The following CDH18 variants were observed in gnomAD, a reference collection of about 807,000 sequenced individuals.
CDH18 encodes the protein cadherin 18, also known as cadherin-18.
CDH18 carries 31 observed loss-of-function variants against 67.9 expected under a neutral mutation model. That is an observed-to-expected ratio of 0.46 (90% CI 0.34 to 0.62). CDH18 has a LOEUF of 0.62. Among genes scored for constraint, CDH18 ranks in the 20% least tolerant of loss-of-function variants. The probability of loss-of-function intolerance (pLI) is 0.01; values close to 1 mark genes in which losing one functional copy is unlikely to be tolerated. For synonymous variants in CDH18, 362 were observed against 347.2 expected (o/e 1.04, Z -0.48); for missense variants, 890 against 975.5 (o/e 0.91, Z 1.17).
At chr5:20,548,142 AACT>A (rs1757441706) in intron 1 of CDH18, among the ~76,000 whole-genome samples, 1 of 150,882 alleles carries the variant, frequency 6.6e-6, no homozygotes, top group Non-Finnish European at 1.5e-5. Context: ...TTACTATATT[AACT>A]ACTATTTCTG....
intron 1 of CDH18, among the ~76,000 whole-genome samples, chr5:20,256,251 G>T (rs189486894): frequency 6.6e-6 from 1 of 151,926 alleles, no homozygotes; most frequent in African/African-American, 2.4e-5. Context: ...AAAACTAAGA[G>T]GTAAAAATGT....
intron 8 of CDH18, 124 bp downstream of exon 8, chr5:19,571,455 T>G: frequency 1.2e-6 from 1 of 869,208 alleles, no homozygotes; most frequent in South Asian, 2.3e-5. Context: ...AATATTATAA[T>G]TTAATTATAT....
At chr5:20,385,568 C>T (rs557417579) in intron 1 of CDH18, among the ~76,000 whole-genome samples, 4 of 152,292 alleles carry the variant, frequency 2.6e-5, no homozygotes, top group South Asian at 4.1e-4. Context: ...CTTCTTGATA[C>T]AGATGGGAAA....
chr5:19,923,520 G>A (rs1349049557), intron 2 of CDH18, among the ~76,000 whole-genome samples: 1 of 151,946 alleles, frequency 6.6e-6, no homozygotes, highest in African/African-American at 2.4e-5. Flanking sequence ...TCCATTCTTA[G>A]TGCACCTCCA....
chr5:19,779,907 G>A (rs936960313), intron 3 of CDH18, among the ~76,000 whole-genome samples: 2 of 152,034 alleles, frequency 1.3e-5, no homozygotes, highest in Non-Finnish European at 2.9e-5. Context: ...AGACTAACAA[G>A]TTTAGTCCAT....
intron 1 of CDH18, among the ~76,000 whole-genome samples, chr5:20,557,564 A>G (rs1417964606): frequency 6.6e-6 from 1 of 152,054 alleles, no homozygotes; most frequent in African/African-American, 2.4e-5. Flanking sequence ...TACATCCCTT[A>G]TCCCTCACTG....
chr5:19,823,484 C>T lies in CDH18; in HGVS notation c.228+15275G>A, dbSNP rs563847480. On this transcript the variant is annotated intron_variant, in intron 3 of 12. Transcript: ENST00000382275. ...CTGCCATGACTTCAGCTGGTCCCTC[C>T]GTTCGGGGTCCCTAACTTCCCACAA... Among the ~76,000 whole-genome samples, 12 of 152,306 alleles carry T rather than the reference C, an allele frequency of 7.9e-5. No homozygotes were observed. The South Asian group carries it at 8.3e-4, about 11-fold the overall frequency.
chr5:19,593,181 C>G (rs1179201509), intron 6 of CDH18, among the ~76,000 whole-genome samples: 1 of 152,012 alleles, frequency 6.6e-6, no homozygotes, highest in Non-Finnish European at 1.5e-5. Context: ...AATAAATACT[C>G]AGAAGTGTGG....
At chr5:19,561,155 TG>T (rs1464439832) in intron 8 of CDH18, among the ~76,000 whole-genome samples, 1 of 152,122 alleles carries the variant, frequency 6.6e-6, no homozygotes, top group East Asian at 1.9e-4. Context: ...ATCCCACTCC[TG>T]GGTATCTACC....
intron 2 of CDH18, among the ~76,000 whole-genome samples, chr5:19,842,863 T>A (rs1346427162): frequency 1.3e-5 from 2 of 152,124 alleles, no homozygotes; most frequent in Non-Finnish European, 2.9e-5. Context: ...ACATGAGGAA[T>A]TTTTTAGGAA....
intron 2 of CDH18, among the ~76,000 whole-genome samples, chr5:19,972,646 TAACA>T (rs1798136659): frequency 6.6e-6 from 1 of 151,930 alleles, no homozygotes; most frequent in South Asian, 2.1e-4. Context: ...AGACAGACAA[TAACA>T]AAAATATATC....
chr5:20,545,026 A>C (rs144548916), intron 1 of CDH18, among the ~76,000 whole-genome samples: 1 of 152,338 alleles, frequency 6.6e-6, no homozygotes, highest in African/African-American at 2.4e-5. Context: ...AATTGGCCAG[A>C]GCAAAGGGGC....
At chr5:20,561,534 A>C (rs1758216065) in intron 1 of CDH18, among the ~76,000 whole-genome samples, 1 of 152,068 alleles carries the variant, frequency 6.6e-6, no homozygotes, top group South Asian at 2.1e-4. Flanking sequence ...TTCCAATTAT[A>C]AGAAATACTG....
intron 1 of CDH18, among the ~76,000 whole-genome samples, chr5:20,278,114 T>C (rs915639055): frequency 1.1e-4 from 17 of 152,108 alleles, no homozygotes; most frequent in Non-Finnish European, 1.8e-4. Context: ...AAAGGTCTAA[T>C]AACTTCTCAA....
At chr5:19,903,154 C>A (rs906594737) in intron 2 of CDH18, among the ~76,000 whole-genome samples, 16 of 151,742 alleles carry the variant, frequency 1.1e-4, no homozygotes, top group South Asian at 8.3e-4. Context: ...ACTATAAATC[C>A]AGTCATATAA....
intron 2 of CDH18, among the ~76,000 whole-genome samples, chr5:20,231,512 T>C (rs1410622797): frequency 6.6e-6 from 1 of 151,552 alleles, no homozygotes; most frequent in Non-Finnish European, 1.5e-5. Context: ...GACAGGAGAA[T>C]CTCTTGAACC....
intron 2 of CDH18, among the ~76,000 whole-genome samples, chr5:20,029,329 A>G (rs1399777782): frequency 6.6e-6 from 1 of 152,170 alleles, no homozygotes; most frequent in Admixed American, 6.6e-5. Flanking sequence ...ACCTTATAGA[A>G]ACAGGGTAAG....
chr5:20,478,348 C>T (rs1181142621), intron 1 of CDH18, among the ~76,000 whole-genome samples: 2 of 152,146 alleles, frequency 1.3e-5, no homozygotes, highest in Non-Finnish European at 2.9e-5. Context: ...TTTCTGGACG[C>T]ACCCTGGGCC....
intron 1 of CDH18, among the ~76,000 whole-genome samples, chr5:20,569,953 A>G (rs542898726): frequency 1.3e-5 from 2 of 152,262 alleles, no homozygotes; most frequent in Admixed American, 6.5e-5. Flanking sequence ...TTCCAACTAC[A>G]TGACATTCTG....
Sources: allele counts gnomAD v4.1 joint callset (sites outside exome capture counted in the v4.1 genomes callset), GRCh38; gene constraint gnomAD v4.1.1; transcripts MANE v1.5; gene names NCBI Gene and HGNC (gene_info 2026-07-23, HGNC 2026-07-21).